CASD1: variants seen among roughly 807,000 people sequenced by gnomAD.
CASD1 encodes the protein N-acetylneuraminate (7)9-O-acetyltransferase.
In CASD1, 41 loss-of-function variants were observed where a neutral mutation model predicts 100.0. The ratio of observed to expected loss-of-function variants is 0.41; its 90% CI spans 0.32 to 0.53. The LOEUF (loss-of-function observed/expected upper bound fraction) is 0.53, where lower values mean the gene tolerates loss of function less well. Ranked by LOEUF, CASD1 falls within the 20% of genes least tolerant of loss-of-function variation. The probability of loss-of-function intolerance (pLI) is 0.25; values close to 1 mark genes in which losing one functional copy is unlikely to be tolerated. For synonymous variants in CASD1, 321 were observed against 315.6 expected, an observed-to-expected ratio of 1.02 and a Z score of -0.18; for missense variants, 774 against 948.7, an observed-to-expected ratio of 0.82 and a Z score of 2.42.
chr7:94,585,671 T>A, the CASD1 span, among the ~76,000 whole-genome samples: 4 of 152,142 alleles, frequency 2.6e-5, no homozygotes, highest in Non-Finnish European at 4.4e-5. Flanking sequence ...TTGGTTTTTT[T>A]AAAAAACAGA....
At chr7:94,602,485 A>C in the CASD1 span, among the ~76,000 whole-genome samples, 1 of 152,282 alleles carries the variant, frequency 6.6e-6, no homozygotes, top group South Asian at 2.1e-4. Context: ...CTTTAAACTT[A>C]GATCTAATTC....
At chr7:94,607,013 G>A in the CASD1 span, among the ~76,000 whole-genome samples, 2 of 151,674 alleles carry the variant, frequency 1.3e-5, no homozygotes, top group African/African-American at 4.8e-5. Flanking sequence ...TAGAAAAGAA[G>A]AGAGATCTAA....
Position 94,549,610 on chromosome 7 carries a change from G to C in CASD1, c.1791G>C (p.Trp597Cys). Reference sequence around the variant, plus strand: ...TGAAAGGGAATGTATATGAATGGTGGTTCAGATGGAGGTTAGACCGTTATG... The same window carrying C: ...TGAAAGGGAATGTATATGAATGGTGCTTCAGATGGAGGTTAGACCGTTATG... ...FELKGNVYEW[W>C]FRWRLDRYVV... The change falls in exon 14 of 18, where the codon TGG (tryptophan) becomes TGC (cysteine). Residue 597 changes from tryptophan (W) to cysteine (C), a missense_variant. By Grantham distance (215) the Trp-to-Cys change is radical (BLOSUM62 -2). This residue lies in a region of CASD1 where 10 missense variants were observed against 32.5 expected (regional missense o/e 0.31). Transcript: ENST00000297273. The C allele has an allele frequency of 6.2e-7, 1 of 1,608,390 alleles. No homozygotes were observed. Among genetic ancestry groups the C allele is most frequent in the East Asian group, 2.2e-5 (1 of 44,512 alleles).
At chr7:94,585,334 T>C in the CASD1 span, 2 of 563,742 alleles carry the variant, frequency 3.5e-6, no homozygotes, top group South Asian at 7.0e-5. Flanking sequence ...AAAAAATACA[T>C]TAGTAAAATG....
chr7:94,551,318 T>G lies in CASD1; in HGVS notation c.1816-20T>G. The G allele has an allele frequency of 6.6e-7, 1 of 1,525,460 alleles. No homozygotes were observed. The allele number at this position is 1,525,460 out of a possible 1,614,324, so 94.5% of individuals were successfully genotyped here. ...TGAAAAGTAACTGTTTAAAACAAAT[T>G]TTCTCTCTTTACTTTTCAGGTAGTT... On this transcript the variant is annotated intron_variant, in intron 14 of 17. Coordinates refer to ENST00000297273, the MANE Select transcript of CASD1 (RefSeq NM_022900.5).
downstream of CASD1, among the ~76,000 whole-genome samples, chr7:94,557,800 A>T (rs1796257271): frequency 6.6e-6 from 1 of 151,912 alleles, no homozygotes; most frequent in South Asian, 2.1e-4. Context: ...TGTAGTTAAA[A>T]ATATTTTTTA....
the CASD1 span, chr7:94,624,981 T>G: frequency 2.0e-5 from 3 of 152,066 alleles, no homozygotes; most frequent in Admixed American, 2.0e-4. Context: ...TTAACAGCTA[T>G]AACAGAATGT....
intron 3 of CASD1, among the ~76,000 whole-genome samples, chr7:94,520,270 A>G (rs1794195561): frequency 1.3e-5 from 2 of 152,346 alleles, no homozygotes; most frequent in African/African-American, 2.4e-5. Context: ...TGTCCCTAGC[A>G]TAATCTGGCA....
the CASD1 span, chr7:94,600,925 G>C: frequency 1.0e-5 from 13 of 1,275,870 alleles, no homozygotes; most frequent in Non-Finnish European, 1.5e-5. Context: ...TTAAGATCTG[G>C]ATACACTAAA....
At chr7:94,537,263 G>T (rs545749442) in intron 8 of CASD1, among the ~76,000 whole-genome samples, 1 of 152,128 alleles carries the variant, frequency 6.6e-6, no homozygotes, top group South Asian at 2.1e-4. Context: ...TTTGTATTTT[G>T]GTTCATAGCC....
chr7:94,571,168 C>A, the CASD1 span, among the ~76,000 whole-genome samples: 1 of 152,002 alleles, frequency 6.6e-6, no homozygotes, highest in Non-Finnish European at 1.5e-5. Context: ...TGCAGCCTCC[C>A]AAGTAGCTGG....
chr7:94,623,775 T>C, the CASD1 span: 2 of 388,164 alleles, frequency 5.2e-6, no homozygotes, highest in Admixed American at 8.7e-5. Context: ...TTAAATGGAG[T>C]TTAAGAATTA....
At chr7:94,555,119 C>T (rs894613589) in intron 17 of CASD1, among the ~76,000 whole-genome samples, 1 of 151,908 alleles carries the variant, frequency 6.6e-6, no homozygotes, top group Non-Finnish European at 1.5e-5. Flanking sequence ...TCTGAGTAGT[C>T]TAAGCTTTAT....
At chr7:94,513,457 G>A (rs944396403) in intron 1 of CASD1, among the ~76,000 whole-genome samples, 2 of 151,822 alleles carry the variant, frequency 1.3e-5, no homozygotes, top group African/African-American at 2.4e-5. Context: ...CAAATTCCAG[G>A]TTCACAATCT....
chr7:94,578,103 A>G, the CASD1 span, among the ~76,000 whole-genome samples: 23 of 152,310 alleles, frequency 1.5e-4, no homozygotes, highest in East Asian at 4.1e-3. Context: ...CTGGATTGCT[A>G]AAAGTGTAGC....
At chr7:94,606,563 C>T in the CASD1 span, among the ~76,000 whole-genome samples, 1 of 152,150 alleles carries the variant, frequency 6.6e-6, no homozygotes, top group Non-Finnish European at 1.5e-5. Context: ...CAGAAATGGA[C>T]ACAACCAGCA....
At chr7:94,604,762 T>A in the CASD1 span, among the ~76,000 whole-genome samples, 411 of 117,802 alleles carry the variant, frequency 3.5e-3, 2 homozygotes, top group African/African-American at 0.013. Flanking sequence ...ACTAAAAGAT[T>A]GAAAACTAAT....
At chr7:94,603,093 A>G in the CASD1 span, among the ~76,000 whole-genome samples, 3 of 152,166 alleles carry the variant, frequency 2.0e-5, no homozygotes, top group Admixed American at 6.6e-5. Flanking sequence ...AGGATAGAAT[A>G]AGTACAAAAG....
the CASD1 span, among the ~76,000 whole-genome samples, chr7:94,582,225 C>A: frequency 6.6e-6 from 1 of 152,200 alleles, no homozygotes; most frequent in Non-Finnish European, 1.5e-5. Flanking sequence ...TTAAGTGATT[C>A]TCTTGCCTCA....
Sources: gnomAD v4.1 joint callset for allele counts (sites outside exome capture counted in the v4.1 genomes callset) on GRCh38, gnomAD v4.1.1 for gene constraint, gnomAD v4.1.1 regional missense constraint, MANE v1.5 for transcripts, NCBI Gene and HGNC (gene_info 2026-07-23, HGNC 2026-07-21) for gene names.